FOXP2: variants seen among roughly 807,000 people sequenced by gnomAD.
FOXP2 encodes the protein forkhead box protein P2.
In FOXP2, 12 loss-of-function variants were observed where a neutral mutation model predicts 115.8. That is an observed-to-expected ratio of 0.10 (90% CI 0.07 to 0.17). The LOEUF (loss-of-function observed/expected upper bound fraction) is 0.17. Ranked by LOEUF, FOXP2 falls within the 10% of genes least tolerant of loss-of-function variation. The pLI is 1.00. For missense variants in FOXP2, 629 were observed against 843.5 expected (o/e 0.75, Z 3.15); for synonymous variants, 328 against 297.7 (o/e 1.10, Z -1.05).
At chr7:114,607,190 T>G (rs928361132) in intron 3 of FOXP2, among the ~76,000 whole-genome samples, 1 of 152,174 alleles carries the variant, frequency 6.6e-6, no homozygotes, top group African/African-American at 2.4e-5. Context: ...AATTCAGTCT[T>G]ATCCATGTGA....
intron 2 of FOXP2, among the ~76,000 whole-genome samples, chr7:114,373,070 G>C (rs542446384): frequency 5.9e-5 from 9 of 151,928 alleles, no homozygotes; most frequent in African/African-American, 1.7e-4. Flanking sequence ...TTGGCTCACT[G>C]CAAGCTCCAC....
chr7:114,440,676 A>G (rs934003465), intron 2 of FOXP2, among the ~76,000 whole-genome samples: 1 of 152,188 alleles, frequency 6.6e-6, no homozygotes. Context: ...TAAGTAATCC[A>G]TTGGCTGAAA....
Position 114,688,530 on chromosome 7 carries a change from C to G in FOXP2, c.2004-1252C>G, listed in dbSNP as rs537590741. On this transcript the variant is annotated intron_variant, in intron 16 of 16. Transcript: ENST00000350908. ...ATGCAAAAACTACTTGATAAGGAAT[C>G]TTTTTCACAGCGATTCCCTGATGCA... 2.6e-5 allele frequency among the ~76,000 whole-genome samples: 4 copies of G among 152,250 alleles called. No individual in the cohort carries two copies. In the South Asian group the frequency reaches 8.3e-4, roughly 32 times the overall value.
intron 1 of FOXP2, among the ~76,000 whole-genome samples, chr7:114,244,986 T>A (rs1449780334): frequency 6.6e-6 from 1 of 152,066 alleles, no homozygotes; most frequent in African/African-American, 2.4e-5. Context: ...ATGGTCTCGA[T>A]CTCCTGACCT....
intron 3 of FOXP2, among the ~76,000 whole-genome samples, chr7:114,550,116 T>C (rs897415672): frequency 1.0e-4 from 13 of 126,484 alleles, no homozygotes; most frequent in East Asian, 2.1e-4. Flanking sequence ...TCTTTTCTTT[T>C]TTTTTTTTTT....
chr7:114,255,719 A>T (rs4415247), intron 1 of FOXP2, among the ~76,000 whole-genome samples: 12,804 of 152,100 alleles, frequency 0.084, 1,362 homozygotes, highest in African/African-American at 0.25. Context: ...GGAAAGGGAA[A>T]TTCCTGACCC....
At chr7:114,146,353 C>T (rs1028223514) in intron 1 of FOXP2, among the ~76,000 whole-genome samples, 3 of 152,182 alleles carry the variant, frequency 2.0e-5, no homozygotes, top group Admixed American at 6.5e-5. Context: ...CATATGACCC[C>T]GTTCGCTAGT....
At chr7:114,092,026 A>AT (rs370499666) in intron 1 of FOXP2, among the ~76,000 whole-genome samples, 31 of 151,678 alleles carry the variant, frequency 2.0e-4, no homozygotes, top group African/African-American at 6.5e-4. Context: ...CTGATTCTTC[A>AT]TTTTTTTTCT....
intron 2 of FOXP2, among the ~76,000 whole-genome samples, chr7:114,500,861 T>C (rs556703443): frequency 6.6e-6 from 1 of 152,324 alleles, no homozygotes; most frequent in South Asian, 2.1e-4. Flanking sequence ...AGATGGGGAA[T>C]TGTTGAAACT....
rs192145391 is a variant in FOXP2 at position 114,316,518 on chromosome 7, G to T, written c.-11+28409G>T. ...GCTAAGTGATGATATGCACCATAAA[G>T]AAAAAGCAAGAGAAAAATACAGACT... On this transcript the variant is annotated intron_variant, in intron 2 of 17. Transcript: ENST00000634411. Among the ~76,000 whole-genome samples, 680 of 152,182 alleles carry T rather than the reference G, an allele frequency of 4.5e-3. 4 individuals carry two copies. The highest frequency in any genetic ancestry group is 0.016 in the African/African-American group (653 of 41,540).
intron 1 of FOXP2, among the ~76,000 whole-genome samples, chr7:114,098,681 C>G (rs539576141): frequency 1.2e-4 from 18 of 152,076 alleles, no homozygotes; most frequent in African/African-American, 4.3e-4. Flanking sequence ...GGAAGTCACA[C>G]CAAAAGCTCA....
chr7:114,182,597 A>G (rs562177208), intron 1 of FOXP2, among the ~76,000 whole-genome samples: 4 of 151,998 alleles, frequency 2.6e-5, no homozygotes, highest in South Asian at 4.1e-4. Context: ...AATTGAATAT[A>G]AACAACTATT....
At chr7:114,559,933 C>A (rs967243690) in intron 3 of FOXP2, among the ~76,000 whole-genome samples, 1 of 151,128 alleles carries the variant, frequency 6.6e-6, no homozygotes, top group Non-Finnish European at 1.5e-5. Flanking sequence ...TAAAATCTTA[C>A]TTTAGGAACG....
chr7:114,234,739 C>A (rs974788036), intron 1 of FOXP2, among the ~76,000 whole-genome samples: 1 of 152,190 alleles, frequency 6.6e-6, no homozygotes, highest in African/African-American at 2.4e-5. Flanking sequence ...TCTAATCTGG[C>A]TCACTGGCTC....
At chr7:114,090,560 T>C (rs540059792) in intron 1 of FOXP2, among the ~76,000 whole-genome samples, 2 of 151,946 alleles carry the variant, frequency 1.3e-5, no homozygotes, top group African/African-American at 4.8e-5. Context: ...GAAAGATTCC[T>C]CTTTATATTC....
chr7:114,348,139 A>G (rs1182120120), intron 2 of FOXP2, among the ~76,000 whole-genome samples: 2 of 152,116 alleles, frequency 1.3e-5, no homozygotes, highest in African/African-American at 4.8e-5. Context: ...AGAGTTTTAT[A>G]GCAAGAATTG....
intron 1 of FOXP2, among the ~76,000 whole-genome samples, chr7:114,204,853 A>G (rs1368333914): frequency 6.6e-6 from 1 of 152,042 alleles, no homozygotes; most frequent in African/African-American, 2.4e-5. Context: ...TAGAGTACCT[A>G]AATAATCCTC....
intron 9 of FOXP2, among the ~76,000 whole-genome samples, chr7:114,652,663 A>G (rs1806335275): frequency 6.6e-6 from 1 of 152,084 alleles, no homozygotes; most frequent in Non-Finnish European, 1.5e-5. Flanking sequence ...ATGAGATTTT[A>G]TATTGTGGCA....
chr7:114,639,491 G>T (rs1252499736), intron 6 of FOXP2, among the ~76,000 whole-genome samples: 1 of 145,372 alleles, frequency 6.9e-6, no homozygotes, highest in East Asian at 2.2e-4. Flanking sequence ...TAGATAGATA[G>T]ATAGGTTAAA....
Sources: gnomAD v4.1 joint callset for allele counts (sites outside exome capture counted in the v4.1 genomes callset) on GRCh38, gnomAD v4.1.1 for gene constraint, MANE v1.5 for transcripts, NCBI Gene and HGNC (gene_info 2026-07-23, HGNC 2026-07-21) for gene names.